The following ZNF253 variants were observed in gnomAD, a reference collection of about 807,000 sequenced individuals.
ZNF253 encodes DNA-binding protein.
ZNF253 carries 8 observed loss-of-function variants against 11.9 expected under a neutral mutation model. The observed-to-expected ratio is 0.67, with a 90% CI of 0.40 to 1.22. ZNF253 has a LOEUF of 1.22. ZNF253 is among the 50% of genes most tolerant of loss of function. The pLI, the probability that ZNF253 is intolerant of heterozygous loss-of-function variation, is 0.01. For missense variants in ZNF253, 485 were observed against 586.9 expected (o/e 0.83, Z 1.79); for synonymous variants, 194 against 194.9 (o/e 1.00, Z 0.04).
intron 2 of ZNF253, 98 bp downstream of exon 2, chr19:19,878,705 G>A: frequency 7.1e-7 from 1 of 1,416,432 alleles, no homozygotes; most frequent in African/African-American, 1.5e-5. Context: ...TTGCAAAGTG[G>A]TAGAATTACA....
intron 1 of ZNF253, among the ~76,000 whole-genome samples, chr19:19,868,579 T>A (rs576295088): frequency 1.1e-4 from 17 of 152,050 alleles, no homozygotes; most frequent in Non-Finnish European, 1.6e-4. Context: ...ATAATATCTT[T>A]CTCTCTTCTG....
intron 3 of ZNF253, among the ~76,000 whole-genome samples, chr19:19,880,873 T>G (rs2063175481): frequency 6.6e-6 from 1 of 151,524 alleles, no homozygotes; most frequent in Admixed American, 6.6e-5. Flanking sequence ...ATCTTGCATT[T>G]TTTTTGTTTA....
At chr19:19,887,250 T>A (rs1312946340) in intron 3 of ZNF253, among the ~76,000 whole-genome samples, 1 of 151,986 alleles carries the variant, frequency 6.6e-6, no homozygotes, top group Admixed American at 6.6e-5. Flanking sequence ...TGTATGCTTT[T>A]TAAAAACCAC....
rs767744725 is a variant in ZNF253 at position 19,891,838 on chromosome 19, G to A, written c.591G>A (p.Glu197=). Residue 197 remains glutamate (E), a synonymous_variant, in exon 4 of 4, where the codon GAG becomes GAA. Transcript: ENST00000589717. ...CACATAAGAAAATTCATACTGGAGA[G>A]AAACCTTACAGATGTGAAGAATGTG... ...LTTHKKIHTG[E]KPYRCEECGK... is the part of the protein sequence containing the mutation. 4.3e-6 allele frequency: 7 copies of A among 1,614,126 alleles called. No homozygotes were observed. Among genetic ancestry groups the A allele is most frequent in the Admixed American group, 1.7e-5 (1 of 60,010 alleles).
chr19:19,866,857 C>T (rs772964551), intron 1 of ZNF253, among the ~76,000 whole-genome samples: 3 of 152,070 alleles, frequency 2.0e-5, no homozygotes, highest in Non-Finnish European at 4.4e-5. Flanking sequence ...ACCCGATTGG[C>T]TACTTTCCAA....
chr19:19,873,379 C>T (rs550970404), intron 1 of ZNF253, among the ~76,000 whole-genome samples: 3 of 151,916 alleles, frequency 2.0e-5, no homozygotes, highest in South Asian at 2.1e-4. Flanking sequence ...AGAATCAGCC[C>T]GAGTCTCTCC....
chr19:19,884,368 T>C (rs2063190067), intron 3 of ZNF253, among the ~76,000 whole-genome samples: 1 of 128,760 alleles, frequency 7.8e-6, no homozygotes, highest in Non-Finnish European at 1.5e-5. Flanking sequence ...TTGTTTGTTA[T>C]TTTTATTTTT....
intron 1 of ZNF253, among the ~76,000 whole-genome samples, chr19:19,877,071 T>G (rs1459926181): frequency 6.6e-6 from 1 of 152,192 alleles, no homozygotes; most frequent in Non-Finnish European, 1.5e-5. Flanking sequence ...TTAGTAAAGA[T>G]GGAGAACATG....
At chr19:19,883,403 A>G (rs1369814266) in intron 3 of ZNF253, among the ~76,000 whole-genome samples, 1 of 152,092 alleles carries the variant, frequency 6.6e-6, no homozygotes, top group Non-Finnish European at 1.5e-5. Flanking sequence ...CTGGAGCCTA[A>G]AAGTTTGAGA....
chr19:19,875,585 C>T (rs1332624952), intron 1 of ZNF253, among the ~76,000 whole-genome samples: 4 of 152,000 alleles, frequency 2.6e-5, no homozygotes, highest in African/African-American at 4.8e-5. Context: ...TTAGTAGAGA[C>T]GGGGTTTCAC....
Position 19,885,217 on chromosome 19 carries a change from TTCTTTCTTTC to T in ZNF253, c.226+5073_226+5082del, listed in dbSNP as rs1252781745. On this transcript the variant is annotated intron_variant, in intron 3 of 3. Transcript: ENST00000589717. ...ACCAATGTCATGTCTTTTTTTTGTA[TTCTTTCTTTC>T]TTTCTTTCTTTCTTTCTTTCTTTCT... 1.5e-4 allele frequency among the ~76,000 whole-genome samples: 6 copies of T among 40,822 alleles called. 1 individual carries two copies. Among genetic ancestry groups the T allele is most frequent in the South Asian group, 1.6e-3 (2 of 1,264 alleles). 26.8% of individuals were successfully genotyped at this position (40,822 alleles called of 152,430 possible). A position where few individuals can be genotyped will look rare whatever the true frequency, so the allele number is the denominator to read the frequency against.
chr19:19,894,605 G>A lies in ZNF253; in HGVS notation c.*1858G>A, dbSNP rs1210257840. 6.6e-6 allele frequency: 1 copy of A among 151,836 alleles called. No homozygotes were observed. The highest frequency in any genetic ancestry group is 1.5e-5 in the Non-Finnish European group (1 of 67,978). 9.4% of individuals were successfully genotyped at this position (151,836 alleles called of 1,614,324 possible). A position where few individuals can be genotyped will look rare whatever the true frequency, so the allele number is the denominator to read the frequency against. ...GTCTAACCTACATTAACATGTATGCGGAACATCTTAAAACTTTTTTTCAAA... is the reference window on the plus strand; with the variant it reads ...GTCTAACCTACATTAACATGTATGCAGAACATCTTAAAACTTTTTTTCAAA... On this transcript the variant is annotated 3_prime_UTR_variant, in exon 4 of 4. Coordinates refer to ENST00000589717, the MANE Select transcript of ZNF253 (RefSeq NM_021047.3).
At chr19:19,885,253 TTCTTTCTTTC>T (rs1326933111) in intron 3 of ZNF253, among the ~76,000 whole-genome samples, 5 of 67,360 alleles carry the variant, frequency 7.4e-5, no homozygotes, top group Non-Finnish European at 1.2e-4. Context: ...CTTTCTTTCT[TTCTTTCTTTC>T]TTTCTTTCTT....
intron 3 of ZNF253, among the ~76,000 whole-genome samples, chr19:19,887,002 A>G (rs1239224797): frequency 6.6e-6 from 1 of 152,076 alleles, no homozygotes; most frequent in Non-Finnish European, 1.5e-5. Context: ...ACACACATTT[A>G]TATAGATAGA....
rs369078772 is a variant in ZNF253, at chr19:19,878,708, G to A, written c.130+101G>A. ...GTAATTTATTCTTTGCAAAGTGGTAGAATTACAGGCATAAGCCACTGCGCC... is the reference window on the plus strand; with the variant it reads ...GTAATTTATTCTTTGCAAAGTGGTAAAATTACAGGCATAAGCCACTGCGCC... On this transcript the variant is annotated intron_variant, in intron 2 of 3. Coordinates refer to ENST00000589717, the MANE Select transcript of ZNF253 (RefSeq NM_021047.3). 1.6e-4 allele frequency: 215 copies of A among 1,382,206 alleles called. 5 individuals carry two copies. In the East Asian group the frequency reaches 2.4e-3, roughly 15 times the overall value. 85.6% of individuals were successfully genotyped at this position (1,382,206 alleles called of 1,614,324 possible). A position where few individuals can be genotyped will look rare whatever the true frequency, so the allele number is the denominator to read the frequency against.
intron 3 of ZNF253, 50 bp downstream of exon 3, chr19:19,880,196 C>T (rs566735735): frequency 7.2e-7 from 1 of 1,386,332 alleles, no homozygotes; most frequent in South Asian, 1.3e-5. Flanking sequence ...TAAAAGGTCC[C>T]AATGTCAAAG....
chr19:19,884,057 CAA>C (rs751875742), intron 3 of ZNF253, among the ~76,000 whole-genome samples: 47 of 66,524 alleles, frequency 7.1e-4, no homozygotes, highest in Admixed American at 1.3e-3. Flanking sequence ...AACTCCATCT[CAA>C]AAAAAAAAAA....
rs549999132 is a variant in ZNF253, at chr19:19,878,291, G to T, written c.4-190G>T. On this transcript the variant is annotated intron_variant, in intron 1 of 3. Coordinates refer to ENST00000589717, the MANE Select transcript of ZNF253 (RefSeq NM_021047.3). Reference sequence around the variant, plus strand: ...TATAAACTGATGTTATGGATCTTGTGCCGCTCTTTTTTCTCAGAGTTAGAG... The same window carrying T: ...TATAAACTGATGTTATGGATCTTGTTCCGCTCTTTTTTCTCAGAGTTAGAG... Among the ~76,000 whole-genome samples, 5 of 150,756 alleles carry T rather than the reference G, an allele frequency of 3.3e-5. No individual in the cohort carries two copies. In the South Asian group the frequency reaches 8.4e-4, roughly 25 times the overall value.
chr19:19,871,422 G>GC (rs2145258182), intron 1 of ZNF253: 1 of 152,338 alleles, frequency 6.6e-6, no homozygotes, highest in South Asian at 2.1e-4. Flanking sequence ...GAGAAAGCAA[G>GC]CAGGAGTGCT....
Sources: allele counts gnomAD v4.1 joint callset (sites outside exome capture counted in the v4.1 genomes callset), GRCh38; gene constraint gnomAD v4.1.1; transcripts MANE v1.5; gene names NCBI Gene and HGNC (gene_info 2026-07-23, HGNC 2026-07-21).